Variants in ASXL1 observed in about 807,000 individuals in gnomAD.
ASXL1 encodes the protein polycomb group protein ASXL1.
Under a neutral mutation model 89.1 loss-of-function variants are expected in ASXL1, and 65 were observed. That is an observed-to-expected ratio of 0.73 (90% CI 0.60 to 0.90). ASXL1 has a LOEUF of 0.90. Among genes scored for constraint, ASXL1 ranks in the 40% least tolerant of loss-of-function variants. The pLI, the probability that ASXL1 is intolerant of heterozygous loss-of-function variation, is 0.00. For synonymous variants in ASXL1, 739 were observed against 746.9 expected (o/e 0.99, Z 0.17); for missense variants, 1,786 against 1,942.9 (o/e 0.92, Z 1.52).
chr20:32,393,921 C>G (rs1342622667), intron 4 of ASXL1, among the ~76,000 whole-genome samples: 1 of 151,654 alleles, frequency 6.6e-6, no homozygotes, highest in Non-Finnish European at 1.5e-5. Flanking sequence ...ACCTTTGCCT[C>G]CTGGGTTCAA....
chr20:32,381,211 A>G lies in ASXL1; in HGVS notation c.252+12088A>G, dbSNP rs147189040. ...AAGTAGTAGAAGAGAACATTACCAA[A>G]GTCCTTTTTTTTGAGACAAGATTTC... On this transcript the variant is annotated intron_variant, in intron 4 of 12. Coordinates refer to ENST00000375687, the MANE Select transcript of ASXL1 (RefSeq NM_015338.6). Among the ~76,000 whole-genome samples the G allele has an allele frequency of 3.0e-3, 456 of 152,248 alleles. 1 individual carries two copies. The highest frequency in any genetic ancestry group is 0.011 in the African/African-American group (439 of 41,544).
intron 4 of ASXL1, among the ~76,000 whole-genome samples, chr20:32,400,174 CT>C (rs2048848568): frequency 6.6e-6 from 1 of 151,922 alleles, no homozygotes; most frequent in South Asian, 2.1e-4. Flanking sequence ...TTATAATGTC[CT>C]TGTGTACTCA....
intron 12 of ASXL1, 148 bp from the exon 13 acceptor site, chr20:32,434,284 T>G: frequency 9.4e-7 from 1 of 1,059,834 alleles, no homozygotes; most frequent in Non-Finnish European, 1.4e-6. Flanking sequence ...TATGGCGCCA[T>G]TTTACTATGA....
chr20:32,413,532 TCA>T, intron 4 of ASXL1, among the ~76,000 whole-genome samples: 1 of 111,978 alleles, frequency 8.9e-6, no homozygotes, highest in Non-Finnish European at 2.0e-5. Flanking sequence ...TCAACGTATT[TCA>T]TTCTTCTTTC....
intron 4 of ASXL1, among the ~76,000 whole-genome samples, chr20:32,381,981 A>G (rs1280857989): frequency 2.2e-5 from 3 of 138,896 alleles, no homozygotes. Flanking sequence ...TTGAGACAGA[A>G]TTTTGGTTTT....
chr20:32,382,106 G>A (rs1439178001), intron 4 of ASXL1, among the ~76,000 whole-genome samples: 2 of 151,856 alleles, frequency 1.3e-5, no homozygotes, highest in East Asian at 1.9e-4. Context: ...CAGGCATGAG[G>A]CCACCAGGCC....
Position 32,435,807 on chromosome 20 carries a change from A to C in ASXL1, c.3095A>C (p.Asp1032Ala), listed in dbSNP as rs377541442. Residue 1032 changes from aspartate to alanine, a missense_variant, in exon 13 of 13, where the codon GAT becomes GCT. Asp to Ala is a moderately radical substitution (Grantham distance 126). Coordinates refer to ENST00000375687, the MANE Select transcript of ASXL1 (RefSeq NM_015338.6). ...ACAAAGGGATCTTCGGTGGACAAGG[A>C]TGAGAAACCCAATTGGAACCAATCT... ...AVTKGSSVDK[D>A]EKPNWNQSAP... is the part of the protein sequence containing the mutation. 5 of 1,614,106 alleles carry C rather than the reference A, an allele frequency of 3.1e-6. No individual in the cohort carries two copies. Among genetic ancestry groups the C allele is most frequent in the African/African-American group, 1.3e-5 (1 of 74,936 alleles).
At position 32,430,021 on chromosome 20, in the gene ASXL1, C is replaced by A. The variant is rs576523117; in HGVS notation, c.686C>A (p.Pro229Gln). ...GQAEVTQDPA[P>Q]LLRGFRKPAT... ...GCCGAGGTCACCCAGGACCCTGCCC[C>A]GCTCCTGAGAGGCTTCCGGAAGCCA... Residue 229 changes from proline (P) to glutamine (Q), a missense_variant, in exon 8 of 13, where the codon CCG (proline) becomes CAG (glutamine). Coordinates refer to ENST00000375687, the MANE Select transcript of ASXL1 (RefSeq NM_015338.6). 6.2e-7 allele frequency: 1 copy of A among 1,607,400 alleles called. No homozygotes were observed. Among genetic ancestry groups the A allele is most frequent in the South Asian group, 1.1e-5 (1 of 91,082 alleles).
At chr20:32,359,958 A>C in intron 1 of ASXL1, 2 of 646,494 alleles carry the variant, frequency 3.1e-6, no homozygotes, top group Non-Finnish European at 5.7e-6. Flanking sequence ...GTCTCTTGAC[A>C]CTGTAGTTTA....
chr20:32,362,584 C>G (rs931380963), intron 1 of ASXL1, among the ~76,000 whole-genome samples: 1 of 152,252 alleles, frequency 6.6e-6, no homozygotes, highest in East Asian at 1.9e-4. Context: ...TGCAGTGAGC[C>G]GAGATCGAGC....
rs868446207 is a variant in ASXL1 at position 32,434,585 on chromosome 20, C to T, written c.1873C>T (p.Arg625Ter). ...ADIKARALQVRGARGHHCHRE... is the reference protein window; with the variant it reads ...ADIKARALQV The stretch of plus-strand genomic sequence containing the variant: ...CATTAAAGCCCGTGCTCTGCAGGTC[C>T]GAGGGGCGAGAGGTCACCACTGCCA... The change falls in exon 13 of 13, where the codon CGA becomes TGA. Residue 625 changes from arginine to a stop codon, truncating the protein, a stop_gained. Coordinates refer to ENST00000375687, the MANE Select transcript of ASXL1 (RefSeq NM_015338.6). LOFTEE classifies it low-confidence loss of function (END_TRUNC). 6.2e-7 allele frequency: 1 copy of T among 1,613,190 alleles called. No individual in the cohort carries two copies. Among genetic ancestry groups the T allele is most frequent in the East Asian group, 2.2e-5 (1 of 44,848 alleles).
intron 4 of ASXL1, among the ~76,000 whole-genome samples, chr20:32,417,659 C>T (rs2049161235): frequency 1.3e-5 from 2 of 152,042 alleles, no homozygotes; most frequent in South Asian, 4.2e-4. Flanking sequence ...CACAGTTTTC[C>T]AAAGTTGCAT....
chr20:32,435,049 T>G lies in ASXL1; in HGVS notation c.2337T>G (p.Pro779=), dbSNP rs143613684. ...TAGCTGAGAGATTAGTGGAGCAGCCTCAGTTGCATCCGGATGTTAGAACTG... is the reference window on the plus strand; with the variant it reads ...TAGCTGAGAGATTAGTGGAGCAGCCGCAGTTGCATCCGGATGTTAGAACTG... ...TSVAERLVEQ[P]QLHPDVRTEC... Residue 779 remains proline (P), a synonymous_variant, in exon 13 of 13, where the codon CCT becomes CCG. Coordinates refer to ENST00000375687, the MANE Select transcript of ASXL1 (RefSeq NM_015338.6). 3.6e-4 allele frequency: 576 copies of G among 1,614,122 alleles called. 2 individuals are homozygous for G. Among genetic ancestry groups the G allele is most frequent in the Non-Finnish European group, 3.7e-4 (440 of 1,180,040 alleles).
intron 4 of ASXL1, among the ~76,000 whole-genome samples, chr20:32,407,337 C>T (rs1272540443): frequency 6.6e-6 from 1 of 151,786 alleles, no homozygotes. Context: ...GAGCTAGACT[C>T]CGTCTCGGGG....
Position 32,436,991 on chromosome 20 carries a change from C to T in ASXL1, c.4279C>T (p.Pro1427Ser), listed in dbSNP as rs764162507. 16 of 1,613,926 alleles carry T rather than the reference C, an allele frequency of 9.9e-6. No homozygotes were observed. In the East Asian group the frequency reaches 3.6e-4, roughly 36 times the overall value. ...PGKGLSEPLE[P>S]SSLPSQLSIK... ...GAAGGGGCTCAGTGAGCCTCTGGAG[C>T]CTTCTTCTCTCCCCTCCCAACTCAG... Residue 1427 changes from proline (P) to serine (S), a missense_variant, in exon 13 of 13, where the codon CCT (proline) becomes TCT (serine). This residue lies in a region of ASXL1 where 1,418 missense variants were observed against 1,427.8 expected (regional missense o/e 0.99). Coordinates refer to ENST00000375687, the MANE Select transcript of ASXL1 (RefSeq NM_015338.6).
intron 4 of ASXL1, among the ~76,000 whole-genome samples, chr20:32,371,286 T>A (rs2048296782): frequency 6.6e-6 from 1 of 152,118 alleles, no homozygotes; most frequent in Non-Finnish European, 1.5e-5. Flanking sequence ...ATTTTTCTAT[T>A]AATATTATCT....
intron 4 of ASXL1, among the ~76,000 whole-genome samples, chr20:32,404,112 TA>T (rs1470292405): frequency 6.6e-6 from 1 of 152,212 alleles, no homozygotes; most frequent in Non-Finnish European, 1.5e-5. Context: ...ACCCTGGAAC[TA>T]ATTTCTTCTA....
rs373603259 is a variant in ASXL1 at position 32,436,063 on chromosome 20, C to A, written c.3351C>A (p.Pro1117=). Residue 1117 remains proline (P), a synonymous_variant, in exon 13 of 13, where the codon CCC becomes CCA. Coordinates refer to ENST00000375687, the MANE Select transcript of ASXL1 (RefSeq NM_015338.6). ...LVMQLLQGSL[P]LEKVLPPAHD... ...TGCAGTTGCTGCAGGGTAGCTTGCC[C>A]CTAGAGAAGGTTCTTCCACCAGCCC... 2.5e-4 allele frequency: 396 copies of A among 1,614,020 alleles called. No homozygotes were observed. Among genetic ancestry groups the A allele is most frequent in the Admixed American group, 5.0e-4 (30 of 60,006 alleles).
chr20:32,410,546 G>A (rs1187223428), intron 4 of ASXL1, among the ~76,000 whole-genome samples: 3 of 152,190 alleles, frequency 2.0e-5, no homozygotes, highest in Non-Finnish European at 4.4e-5. Context: ...TTATGTGGAT[G>A]TGATCCTTCT....
Sources: allele counts gnomAD v4.1 joint callset (sites outside exome capture counted in the v4.1 genomes callset), GRCh38; gene constraint gnomAD v4.1.1; regional missense constraint gnomAD v4.1.1; transcripts MANE v1.5; gene names NCBI Gene and HGNC (gene_info 2026-07-23, HGNC 2026-07-21).